RASSF3: variants seen among roughly 807,000 people sequenced by gnomAD.
RASSF3 encodes the protein ras association domain-containing protein 3.
A neutral mutation model predicts 19.9 loss-of-function variants in RASSF3; 19 were observed. That is an observed-to-expected ratio of 0.96 (90% CI 0.67 to 1.40). RASSF3 has a LOEUF of 1.40. Among genes scored for constraint, RASSF3 ranks in the 40% most tolerant of loss-of-function variants. The pLI, the probability that RASSF3 is intolerant of heterozygous loss-of-function variation, is 0.00. For missense variants in RASSF3, 306 were observed against 289.8 expected, an observed-to-expected ratio of 1.06 and a Z score of -0.41; for synonymous variants, 110 against 104.2, an observed-to-expected ratio of 1.06 and a Z score of -0.34.
At chr12:64,591,771 A>G (rs1340686763) in intron 2 of RASSF3, among the ~76,000 whole-genome samples, 1 of 152,210 alleles carries the variant, frequency 6.6e-6, no homozygotes, top group Non-Finnish European at 1.5e-5. Context: ...TTAGTTATGT[A>G]AACATTCATA....
intron 1 of RASSF3, among the ~76,000 whole-genome samples, chr12:64,639,770 T>A (rs1871450071): frequency 6.6e-6 from 1 of 152,218 alleles, no homozygotes; most frequent in African/African-American, 2.4e-5. Context: ...TTTATGTAAC[T>A]GCATTCTTCA....
intron 2 of RASSF3, among the ~76,000 whole-genome samples, chr12:64,547,142 C>A (rs1232834423): frequency 6.6e-6 from 1 of 151,872 alleles, no homozygotes; most frequent in African/African-American, 2.4e-5. Context: ...TGTGGTGGCA[C>A]ACACCTGTAA....
intron 1 of RASSF3, among the ~76,000 whole-genome samples, chr12:64,630,855 T>C (rs1227818142): frequency 2.0e-5 from 3 of 152,016 alleles, no homozygotes; most frequent in African/African-American, 7.3e-5. Context: ...AGAAATCAAG[T>C]AAGAAGAAAG....
At chr12:64,584,045 T>C (rs1215296000) in intron 2 of RASSF3, among the ~76,000 whole-genome samples, 1 of 152,188 alleles carries the variant, frequency 6.6e-6, no homozygotes, top group Non-Finnish European at 1.5e-5. Context: ...GACCTTGAGC[T>C]CCATTCCTGT....
At chr12:64,641,415 C>CACACACACACACACACACAT (rs1491150295) in intron 1 of RASSF3, among the ~76,000 whole-genome samples, 1 of 133,958 alleles carries the variant, frequency 7.5e-6, no homozygotes, top group Non-Finnish European at 1.5e-5. Flanking sequence ...CACACACACA[C>CACACACACACACACACACAT]GCGCGCGCGC....
At chr12:64,589,605 AC>A (rs1869880661) in intron 2 of RASSF3, among the ~76,000 whole-genome samples, 1 of 151,898 alleles carries the variant, frequency 6.6e-6, no homozygotes, top group Admixed American at 6.6e-5. Flanking sequence ...AAAATCAACA[AC>A]TTTTTTTTTT....
chr12:64,623,589 T>A (rs561034841), intron 1 of RASSF3, among the ~76,000 whole-genome samples: 2 of 152,340 alleles, frequency 1.3e-5, no homozygotes, highest in African/African-American at 2.4e-5. Context: ...TTGCTTTTCT[T>A]GCCAGTGTTC....
chr12:64,510,415 A>G (rs1868321633), intron 1 of RASSF3, among the ~76,000 whole-genome samples: 1 of 152,170 alleles, frequency 6.6e-6, no homozygotes, highest in South Asian at 2.1e-4. Context: ...TCTCTTTAGG[A>G]TTAAACTCTC....
chr12:64,630,593 A>G lies in RASSF3; in HGVS notation c.111+19850A>G, dbSNP rs534003698. On this transcript the variant is annotated intron_variant, in intron 1 of 4. Transcript: ENST00000542104. The stretch of plus-strand genomic sequence containing the variant: ...GAACTGTTCTTTTTACTCCCAGGAC[A>G]TGTGATCATATGCCTACTCAGGAAT... 7.9e-5 allele frequency among the ~76,000 whole-genome samples: 12 copies of G among 152,310 alleles called. No homozygotes were observed. In the East Asian group the frequency reaches 2.1e-3, roughly 27 times the overall value.
At chr12:64,674,123 T>C (rs559861201) in intron 1 of RASSF3, among the ~76,000 whole-genome samples, 11 of 152,232 alleles carry the variant, frequency 7.2e-5, no homozygotes, top group African/African-American at 2.6e-4. Flanking sequence ...TGAGAGTATT[T>C]AGGGGGCATG....
intron 2 of RASSF3, among the ~76,000 whole-genome samples, chr12:64,590,091 G>T (rs536690986): frequency 1.3e-5 from 2 of 149,004 alleles, no homozygotes; most frequent in Non-Finnish European, 3.0e-5. Flanking sequence ...AATTAAATTA[G>T]CCAGGTATGA....
rs780217697 is a variant in RASSF3 at position 64,690,826 on chromosome 12, TTTC to T, written c.458-641_458-639del. ...AAGGAGTAGTGGACCCTTTTTTAGG[TTTC>T]TTATCTTGCCTTTTTTTTTTCATTT... On this transcript the variant is annotated intron_variant, in intron 3 of 4. Transcript: ENST00000542104. Among the ~76,000 whole-genome samples the T allele has an allele frequency of 1.2e-4, 18 of 150,400 alleles. No individual in the cohort carries two copies. The Middle Eastern group carries it at 0.01, about 86-fold the overall frequency.
chr12:64,640,380 A>G (rs1173624858), intron 1 of RASSF3, among the ~76,000 whole-genome samples: 1 of 152,148 alleles, frequency 6.6e-6, no homozygotes, highest in Non-Finnish European at 1.5e-5. Flanking sequence ...AACTATAGGC[A>G]TTATGTTGTA....
chr12:64,562,348 G>A (rs897735714), intron 2 of RASSF3, among the ~76,000 whole-genome samples: 3 of 152,014 alleles, frequency 2.0e-5, no homozygotes, highest in Non-Finnish European at 2.9e-5. Flanking sequence ...AGTACCCACC[G>A]CATTTATCTT....
chr12:64,544,904 C>A (rs993384436), downstream of RASSF3, among the ~76,000 whole-genome samples: 1 of 152,182 alleles, frequency 6.6e-6, no homozygotes, highest in Non-Finnish European at 1.5e-5. Flanking sequence ...ACAGTAATAG[C>A]TGTTTAGAAG....
intron 1 of RASSF3, among the ~76,000 whole-genome samples, chr12:64,629,582 T>G (rs531328184): frequency 1.3e-5 from 2 of 152,184 alleles, no homozygotes; most frequent in Non-Finnish European, 2.9e-5. Flanking sequence ...TGTGATAATA[T>G]GAAGAAATAG....
chr12:64,625,779 G>T (rs771339814), intron 1 of RASSF3, among the ~76,000 whole-genome samples: 5 of 152,168 alleles, frequency 3.3e-5, no homozygotes, highest in African/African-American at 4.8e-5. Flanking sequence ...TGACTGTCTC[G>T]GCTCTGAGGG....
chr12:64,522,672 A>C (rs1238329195), intron 1 of RASSF3, among the ~76,000 whole-genome samples: 1 of 152,122 alleles, frequency 6.6e-6, no homozygotes, highest in Non-Finnish European at 1.5e-5. Context: ...CTTGTGTGCC[A>C]GGAGTCTCAA....
intron 1 of RASSF3, among the ~76,000 whole-genome samples, chr12:64,516,668 A>G (rs1440621609): frequency 6.6e-6 from 1 of 151,032 alleles, no homozygotes; most frequent in Non-Finnish European, 1.5e-5. Flanking sequence ...CAACATGATT[A>G]TATATCAGGA....
Sources: gnomAD v4.1 joint callset for allele counts (sites outside exome capture counted in the v4.1 genomes callset) on GRCh38, gnomAD v4.1.1 for gene constraint, MANE v1.5 for transcripts, NCBI Gene and HGNC (gene_info 2026-07-23, HGNC 2026-07-21) for gene names.